CSMD1: variants seen among roughly 807,000 people sequenced by gnomAD.
CSMD1 encodes CUB and sushi domain-containing protein 1.
In CSMD1, 213 loss-of-function variants were observed where a neutral mutation model predicts 417.5. The observed-to-expected ratio is 0.51, with a 90% CI of 0.46 to 0.57. The LOEUF is 0.57. Among genes scored for constraint, CSMD1 ranks in the 20% least tolerant of loss-of-function variants. The probability of loss-of-function intolerance (pLI) is 0.00; values close to 1 mark genes in which losing one functional copy is unlikely to be tolerated. For synonymous variants in CSMD1, 2,862 were observed against 1,736.8 expected (o/e 1.65, Z -16.11); for missense variants, 6,923 against 4,529.7 (o/e 1.53, Z -15.17).
intron 23 of CSMD1, among the ~76,000 whole-genome samples, chr8:3,342,755 T>C (rs959768305): frequency 6.6e-6 from 1 of 152,222 alleles, no homozygotes; most frequent in Non-Finnish European, 1.5e-5. Flanking sequence ...CTGTTATCTC[T>C]GGCAAGTATT....
At chr8:4,546,303 A>G (rs1369500126) in intron 2 of CSMD1, among the ~76,000 whole-genome samples, 2 of 151,974 alleles carry the variant, frequency 1.3e-5, no homozygotes, top group Non-Finnish European at 2.9e-5. Flanking sequence ...CCGGCCATTT[A>G]TGATGGTAAA....
chr8:2,995,649 A>G (rs1806827688), intron 54 of CSMD1, among the ~76,000 whole-genome samples: 1 of 152,228 alleles, frequency 6.6e-6, no homozygotes, highest in South Asian at 2.1e-4. Context: ...ATCAACCCAG[A>G]CGTCCTTCAA....
intron 4 of CSMD1, among the ~76,000 whole-genome samples, chr8:4,001,765 G>C (rs1184965426): frequency 1.3e-5 from 2 of 152,088 alleles, no homozygotes; most frequent in Non-Finnish European, 2.9e-5. Context: ...GGTAAGACCA[G>C]AGCACTGACT....
At chr8:3,419,691 C>T (rs1017868510) in intron 12 of CSMD1, among the ~76,000 whole-genome samples, 7 of 152,080 alleles carry the variant, frequency 4.6e-5, no homozygotes, top group South Asian at 2.1e-4. Flanking sequence ...AGATTACTTT[C>T]GTCACCTACA....
intron 52 of CSMD1, among the ~76,000 whole-genome samples, chr8:3,007,304 G>C (rs1324759096): frequency 1.3e-5 from 2 of 151,828 alleles, no homozygotes; most frequent in Admixed American, 1.3e-4. Flanking sequence ...GGAGAAATAG[G>C]AACACTACAC....
At chr8:4,856,896 C>G (rs967872802) in intron 1 of CSMD1, among the ~76,000 whole-genome samples, 1 of 152,120 alleles carries the variant, frequency 6.6e-6, no homozygotes, top group Non-Finnish European at 1.5e-5. Flanking sequence ...GAATTGAACT[C>G]AGCTCTGAAC....
chr8:4,224,672 T>C (rs142855501), intron 3 of CSMD1, among the ~76,000 whole-genome samples: 16 of 152,366 alleles, frequency 1.1e-4, no homozygotes, highest in African/African-American at 3.8e-4. Context: ...AATTCCCCAC[T>C]GCTCAATTTC....
At chr8:3,091,449 G>C in intron 48 of CSMD1, 67 bp downstream of exon 48, 1 of 1,205,478 alleles carries the variant, frequency 8.3e-7, no homozygotes, top group Non-Finnish European at 1.1e-6. Flanking sequence ...TATTTAAATT[G>C]TTTTATTCAA....
intron 3 of CSMD1, among the ~76,000 whole-genome samples, chr8:4,380,292 T>C (rs1803019733): frequency 6.6e-6 from 1 of 152,134 alleles, no homozygotes; most frequent in African/African-American, 2.4e-5. Context: ...GGTCAGCATC[T>C]GCAGTGCTGA....
At chr8:3,644,618 G>A (rs1021538253) in intron 7 of CSMD1, among the ~76,000 whole-genome samples, 4 of 152,104 alleles carry the variant, frequency 2.6e-5, no homozygotes, top group African/African-American at 9.7e-5. Context: ...ATAAGAGATG[G>A]CTGTGCCAGA....
At chr8:3,691,616 A>C (rs150525178) in intron 7 of CSMD1, among the ~76,000 whole-genome samples, 1 of 152,154 alleles carries the variant, frequency 6.6e-6, no homozygotes, top group Non-Finnish European at 1.5e-5. Flanking sequence ...CCTAACAAAA[A>C]TATATAACAA....
At chr8:3,184,352 G>C (rs1461550025) in intron 36 of CSMD1, among the ~76,000 whole-genome samples, 1 of 152,028 alleles carries the variant, frequency 6.6e-6, no homozygotes, top group Non-Finnish European at 1.5e-5. Flanking sequence ...CTCTGACTTC[G>C]TGCAAAGCAG....
intron 10 of CSMD1, among the ~76,000 whole-genome samples, chr8:3,496,382 C>G (rs192828036): frequency 6.6e-6 from 1 of 152,102 alleles, no homozygotes; most frequent in Admixed American, 6.6e-5. Context: ...GTGGCTTGCT[C>G]GTGGAGGGAA....
At chr8:4,914,226 A>C (rs1330963204) in intron 1 of CSMD1, among the ~76,000 whole-genome samples, 2 of 152,172 alleles carry the variant, frequency 1.3e-5, no homozygotes, top group African/African-American at 4.8e-5. Flanking sequence ...TCTGTTACAA[A>C]GCTATGGAAT....
At chr8:4,711,674 A>G (rs1202593361) in intron 1 of CSMD1, among the ~76,000 whole-genome samples, 1 of 152,140 alleles carries the variant, frequency 6.6e-6, no homozygotes, top group African/African-American at 2.4e-5. Flanking sequence ...GTAAATTTAA[A>G]AAAAAAATCC....
intron 15 of CSMD1, 35 bp downstream of exon 15, chr8:3,405,992 C>A: frequency 6.3e-7 from 1 of 1,597,366 alleles, no homozygotes; most frequent in South Asian, 1.1e-5. Flanking sequence ...TGTGTGATTT[C>A]AAAGGAGAAG....
At position 3,929,825 on chromosome 8, in the gene CSMD1, C is replaced by T. The variant is rs975026874; in HGVS notation, c.818+68078G>A. 4.0e-5 allele frequency among the ~76,000 whole-genome samples: 6 copies of T among 149,438 alleles called. 2 individuals carry two copies. Among genetic ancestry groups the T allele is most frequent in the Admixed American group, 2.0e-4 (3 of 15,022 alleles). On this transcript the variant is annotated intron_variant, in intron 5 of 69. Transcript: ENST00000635120. ...TACAGGCACATGCCACCATGCCTGG[C>T]TAATTTTTGTGTTTTTAGTAGAGAC...
At chr8:4,856,832 C>T (rs1801829604) in intron 1 of CSMD1, among the ~76,000 whole-genome samples, 1 of 151,718 alleles carries the variant, frequency 6.6e-6, no homozygotes, top group Non-Finnish European at 1.5e-5. Flanking sequence ...CTTTAACACC[C>T]CACTGTCAAC....
At chr8:3,251,136 C>G (rs1323092167) in intron 26 of CSMD1, among the ~76,000 whole-genome samples, 1 of 152,144 alleles carries the variant, frequency 6.6e-6, no homozygotes, top group Non-Finnish European at 1.5e-5. Flanking sequence ...GAAGTCCTTG[C>G]CCGTGCCTAT....
Sources: allele counts gnomAD v4.1 joint callset (sites outside exome capture counted in the v4.1 genomes callset), GRCh38; gene constraint gnomAD v4.1.1; transcripts MANE v1.5; gene names NCBI Gene and HGNC (gene_info 2026-07-23, HGNC 2026-07-21).